LRRC4C: variants seen among roughly 807,000 people sequenced by gnomAD.
The protein encoded by LRRC4C is leucine-rich repeat-containing protein 4C.
LRRC4C carries 5 observed loss-of-function variants against 33.6 expected under a neutral mutation model. That is an observed-to-expected ratio of 0.15 (90% CI 0.08 to 0.31). The LOEUF is 0.31. Ranked by LOEUF, LRRC4C falls within the 10% of genes least tolerant of loss-of-function variation. LRRC4C has a pLI of 1.00. For missense variants in LRRC4C, 560 were observed against 796.7 expected (o/e 0.70, Z 3.58); for synonymous variants, 329 against 302.0 (o/e 1.09, Z -0.93).
chr11:40,931,449 C>G (rs1036621059), intron 2 of LRRC4C, among the ~76,000 whole-genome samples: 1 of 152,012 alleles, frequency 6.6e-6, no homozygotes, highest in Non-Finnish European at 1.5e-5. Context: ...TAAGCAGAGT[C>G]TTACTATTTA....
intron 1 of LRRC4C, among the ~76,000 whole-genome samples, chr11:41,239,461 C>T (rs1429874726): frequency 3.9e-5 from 6 of 151,906 alleles, no homozygotes; most frequent in Non-Finnish European, 8.8e-5. Context: ...ACACACACTG[C>T]TGCAACTACA....
chr11:40,900,017 T>C (rs1356535346), intron 2 of LRRC4C, among the ~76,000 whole-genome samples: 1 of 152,144 alleles, frequency 6.6e-6, no homozygotes, highest in African/African-American at 2.4e-5. Flanking sequence ...ATTTTAATGA[T>C]TTTTGCCTGA....
In LRRC4C at chr11:40,836,738, G is replaced by A. The variant is rs553324298; in HGVS notation, c.-407+96897C>T. On this transcript the variant is annotated intron_variant, in intron 2 of 6. Coordinates refer to ENST00000528697, the MANE Select transcript of LRRC4C (RefSeq NM_001258419.2). ...ACAGCAAGTTATTTAATCTCTCTGA[G>A]CTTTACCTCCCCTTGTTCTAAAAAA... Among the ~76,000 whole-genome samples, 70 of 152,236 alleles carry A rather than the reference G, an allele frequency of 4.6e-4. 1 individual carries two copies. The highest frequency in any genetic ancestry group is 1.0e-3 in the Non-Finnish European group (68 of 68,022).
intron 2 of LRRC4C, among the ~76,000 whole-genome samples, chr11:40,818,762 G>A (rs964314672): frequency 6.6e-6 from 1 of 151,824 alleles, no homozygotes; most frequent in African/African-American, 2.4e-5. Flanking sequence ...AAATCAATAG[G>A]ATACATACTA....
chr11:40,735,320 C>T (rs1315045652), intron 2 of LRRC4C, among the ~76,000 whole-genome samples: 2 of 150,730 alleles, frequency 1.3e-5, no homozygotes, highest in Admixed American at 6.6e-5. Flanking sequence ...ACTCCCCCCA[C>T]CCCACAACAG....
chr11:40,268,931 CT>C, intron 4 of LRRC4C, among the ~76,000 whole-genome samples: 1 of 152,268 alleles, frequency 6.6e-6, no homozygotes, highest in East Asian at 1.9e-4. Context: ...AAGTAGCTTA[CT>C]TTACCAAGCC....
intron 1 of LRRC4C, among the ~76,000 whole-genome samples, chr11:41,304,220 T>G (rs1428254599): frequency 2.0e-4 from 15 of 75,804 alleles, no homozygotes; most frequent in Admixed American, 2.8e-4. Context: ...GGGAGGGAGG[T>G]GGGGGGGTCA....
At chr11:41,019,794 AT>A (rs1216335487) in intron 1 of LRRC4C, among the ~76,000 whole-genome samples, 2 of 151,694 alleles carry the variant, frequency 1.3e-5, no homozygotes, top group African/African-American at 2.4e-5. Context: ...TTTTTTCCAC[AT>A]TTTTTTGGCC....
At chr11:41,312,991 A>G (rs1196826894) in intron 1 of LRRC4C, among the ~76,000 whole-genome samples, 1 of 152,216 alleles carries the variant, frequency 6.6e-6, no homozygotes, top group Non-Finnish European at 1.5e-5. Context: ...GGACTAATAC[A>G]TGGTAATAAA....
intron 1 of LRRC4C, among the ~76,000 whole-genome samples, chr11:41,321,168 T>C (rs1591260910): frequency 6.6e-6 from 1 of 152,290 alleles, no homozygotes; most frequent in Non-Finnish European, 1.5e-5. Context: ...TTTAATTACA[T>C]CTGTAAAATC....
chr11:40,541,479 T>C (rs1956704793), intron 3 of LRRC4C, among the ~76,000 whole-genome samples: 1 of 152,144 alleles, frequency 6.6e-6, no homozygotes, highest in Non-Finnish European at 1.5e-5. Context: ...TTGGGAAGGA[T>C]GAGCAAGTCC....
chr11:40,707,844 C>CT (rs762638091), intron 2 of LRRC4C, among the ~76,000 whole-genome samples: 69 of 151,772 alleles, frequency 4.5e-4, no homozygotes, highest in Non-Finnish European at 5.3e-4. Flanking sequence ...TGGTCCTGGA[C>CT]TTTTTTTTGG....
At chr11:41,062,519 T>C (rs1391602815) in intron 1 of LRRC4C, among the ~76,000 whole-genome samples, 1 of 152,152 alleles carries the variant, frequency 6.6e-6, no homozygotes, top group Admixed American at 6.6e-5. Flanking sequence ...TTTCCAAAAT[T>C]ATAAGTAAAT....
chr11:41,371,665 A>T (rs528930678), intron 1 of LRRC4C, among the ~76,000 whole-genome samples: 1 of 152,256 alleles, frequency 6.6e-6, no homozygotes, highest in Non-Finnish European at 1.5e-5. Flanking sequence ...GTTCTTCTAA[A>T]TTAAAAAGCA....
At chr11:40,390,851 C>CTTTT in intron 3 of LRRC4C, among the ~76,000 whole-genome samples, 1 of 152,024 alleles carries the variant, frequency 6.6e-6, no homozygotes, top group Admixed American at 6.6e-5. Flanking sequence ...TGGAAATAAT[C>CTTTT]TCTTTTCTTT....
chr11:40,580,145 T>A (rs1243083143), intron 3 of LRRC4C, among the ~76,000 whole-genome samples: 2 of 151,794 alleles, frequency 1.3e-5, no homozygotes, highest in Admixed American at 6.6e-5. Context: ...GTTTTCACAC[T>A]GCTATAAAGA....
At chr11:41,127,597 C>A (rs1414530910) in intron 1 of LRRC4C, among the ~76,000 whole-genome samples, 1 of 151,900 alleles carries the variant, frequency 6.6e-6, no homozygotes, top group Non-Finnish European at 1.5e-5. Flanking sequence ...CCTATAAAGT[C>A]AAAAATAATA....
chr11:40,597,766 G>T (rs574445087), intron 3 of LRRC4C, among the ~76,000 whole-genome samples: 1 of 152,272 alleles, frequency 6.6e-6, no homozygotes, highest in African/African-American at 2.4e-5. Flanking sequence ...TTTTCCTCTT[G>T]CTGACTGCAC....
chr11:40,544,292 T>C (rs1956833846), intron 3 of LRRC4C, among the ~76,000 whole-genome samples: 2 of 152,042 alleles, frequency 1.3e-5, no homozygotes, highest in African/African-American at 2.4e-5. Flanking sequence ...TGAGAGTAGA[T>C]ACTGGTTACA....
Sources: gnomAD v4.1 joint callset for allele counts (sites outside exome capture counted in the v4.1 genomes callset) on GRCh38, gnomAD v4.1.1 for gene constraint, MANE v1.5 for transcripts, NCBI Gene and HGNC (gene_info 2026-07-23, HGNC 2026-07-21) for gene names.